The following EFNA5 variants were observed in gnomAD, a reference collection of about 807,000 sequenced individuals.
EFNA5 encodes ephrin A5, also known as ephrin-A5.
Under a neutral mutation model 22.9 loss-of-function variants are expected in EFNA5, and 5 were observed. The observed-to-expected ratio is 0.22, with a 90% CI of 0.11 to 0.46. The LOEUF is 0.46. Ranked by LOEUF, EFNA5 falls within the 20% of genes least tolerant of loss-of-function variation. The probability of loss-of-function intolerance (pLI) is 0.99; values close to 1 mark genes in which losing one functional copy is unlikely to be tolerated. For missense variants in EFNA5, 237 were observed against 293.3 expected (o/e 0.81, Z 1.40); for synonymous variants, 113 against 112.2 (o/e 1.01, Z -0.04).
intron 4 of EFNA5, among the ~76,000 whole-genome samples, chr5:107,384,798 A>T (rs1312213083): frequency 7.0e-6 from 1 of 143,640 alleles, no homozygotes; most frequent in African/African-American, 2.6e-5. Flanking sequence ...TTTTTTGGTA[A>T]AGACAAGGTT....
chr5:107,593,556 T>G (rs1749418626), intron 1 of EFNA5, among the ~76,000 whole-genome samples: 1 of 152,140 alleles, frequency 6.6e-6, no homozygotes, highest in Non-Finnish European at 1.5e-5. Flanking sequence ...CACATCAGAA[T>G]CACCTAGGGA....
chr5:107,569,837 A>G (rs1748757624), intron 1 of EFNA5, among the ~76,000 whole-genome samples: 2 of 93,062 alleles, frequency 2.1e-5, no homozygotes, highest in African/African-American at 1.0e-4. Context: ...GGGAGACCAA[A>G]AAAAAAAAAA....
intron 1 of EFNA5, among the ~76,000 whole-genome samples, chr5:107,571,833 A>G (rs1208263600): frequency 1.3e-5 from 2 of 152,150 alleles, no homozygotes; most frequent in Non-Finnish European, 1.5e-5. Flanking sequence ...GAGGTCATGT[A>G]AAACAGCAAA....
intron 1 of EFNA5, among the ~76,000 whole-genome samples, chr5:107,470,528 A>G (rs989177140): frequency 6.6e-6 from 1 of 152,212 alleles, no homozygotes; most frequent in Non-Finnish European, 1.5e-5. Flanking sequence ...TTGGAGGACT[A>G]AACAGAGAAG....
intron 1 of EFNA5, among the ~76,000 whole-genome samples, chr5:107,444,794 C>T (rs202000550): frequency 1.3e-5 from 2 of 152,064 alleles, no homozygotes; most frequent in East Asian, 1.9e-4. Flanking sequence ...GGACACAGCC[C>T]TAGGAGAATA....
chr5:107,624,641 A>T (rs1338819284), intron 1 of EFNA5, among the ~76,000 whole-genome samples: 5 of 152,142 alleles, frequency 3.3e-5, no homozygotes, highest in Non-Finnish European at 5.9e-5. Context: ...TGCAGCAGAA[A>T]TAGTCTTCCT....
intron 1 of EFNA5, 59 bp from the exon 2 acceptor site, chr5:107,427,568 A>G: frequency 6.8e-7 from 1 of 1,464,060 alleles, no homozygotes; most frequent in Non-Finnish European, 9.2e-7. Flanking sequence ...TCTGCTTGGA[A>G]TCAGTGGTTA....
intron 1 of EFNA5, among the ~76,000 whole-genome samples, chr5:107,573,366 T>TAG (rs1014211290): frequency 5.3e-5 from 8 of 152,182 alleles, no homozygotes; most frequent in African/African-American, 1.9e-4. Context: ...CAGTGGAATA[T>TAG]AGGCCCCAAG....
At chr5:107,411,926 T>C (rs1360961946) in intron 2 of EFNA5, among the ~76,000 whole-genome samples, 2 of 152,230 alleles carry the variant, frequency 1.3e-5, no homozygotes, top group Non-Finnish European at 2.9e-5. Flanking sequence ...ATGGAGAACC[T>C]TAATGAATAT....
At chr5:107,484,428 GAACT>G (rs1407422062) in intron 1 of EFNA5, among the ~76,000 whole-genome samples, 6 of 152,282 alleles carry the variant, frequency 3.9e-5, no homozygotes, top group Admixed American at 6.5e-5. Flanking sequence ...ATCTGATTCA[GAACT>G]AACATGGAAG....
chr5:107,532,488 C>A (rs1580515896), intron 1 of EFNA5, among the ~76,000 whole-genome samples: 1 of 152,318 alleles, frequency 6.6e-6, no homozygotes, highest in South Asian at 2.1e-4. Flanking sequence ...TAGGAATTAG[C>A]CGGGTTAAAT....
chr5:107,452,541 C>G (rs1158939194), intron 1 of EFNA5, among the ~76,000 whole-genome samples: 1 of 151,800 alleles, frequency 6.6e-6, no homozygotes, highest in African/African-American at 2.4e-5. Context: ...CTGAGCAATA[C>G]AGTGAAACCC....
chr5:107,449,459 A>G (rs1749491492), intron 1 of EFNA5, among the ~76,000 whole-genome samples: 1 of 152,078 alleles, frequency 6.6e-6, no homozygotes, highest in Non-Finnish European at 1.5e-5. Context: ...TAGAAATGTC[A>G]CCATCGATGA....
At position 107,408,076 on chromosome 5, in the gene EFNA5, C is replaced by G. The variant is rs10491397; in HGVS notation, c.418+19141G>C. Among the ~76,000 whole-genome samples, 831 of 152,174 alleles carry G rather than the reference C, an allele frequency of 5.5e-3. 5 individuals carry two copies. Among genetic ancestry groups the G allele is most frequent in the African/African-American group, 0.019 (798 of 41,504 alleles). ...AACTGTTATTTCTCCTAATGGCTAC[C>G]AGGCCCTATTCTCTGCACAGTGTAA... is the stretch of plus-strand genomic sequence containing the variant. On this transcript the variant is annotated intron_variant, in intron 2 of 4. Coordinates refer to ENST00000333274, the MANE Select transcript of EFNA5 (RefSeq NM_001962.3).
chr5:107,474,855 C>G (rs923548121), intron 1 of EFNA5, among the ~76,000 whole-genome samples: 4 of 152,162 alleles, frequency 2.6e-5, no homozygotes, highest in African/African-American at 4.8e-5. Context: ...AAGGGCCATT[C>G]TAAGGGAAAG....
chr5:107,453,057 T>C (rs1339106175), intron 1 of EFNA5, among the ~76,000 whole-genome samples: 2 of 152,294 alleles, frequency 1.3e-5, no homozygotes, highest in East Asian at 3.9e-4. Flanking sequence ...TATTTGATCT[T>C]CTGGCTTCTT....
At chr5:107,631,700 T>C (rs1298236614) in intron 1 of EFNA5, among the ~76,000 whole-genome samples, 2 of 152,168 alleles carry the variant, frequency 1.3e-5, no homozygotes, top group East Asian at 3.8e-4. Context: ...ATTCTGATCA[T>C]TTTCAATTTA....
intron 1 of EFNA5, among the ~76,000 whole-genome samples, chr5:107,616,872 G>C (rs112525818): frequency 1.3e-5 from 2 of 152,038 alleles, no homozygotes; most frequent in African/African-American, 4.8e-5. Flanking sequence ...ATGAGTTCAG[G>C]TCCTTTTGAT....
chr5:107,608,818 C>T (rs775376050), intron 1 of EFNA5, among the ~76,000 whole-genome samples: 4 of 152,318 alleles, frequency 2.6e-5, no homozygotes, highest in Non-Finnish European at 5.9e-5. Context: ...TCCCAACGCT[C>T]GGTTTATTCC....
Sources: gnomAD v4.1 joint callset for allele counts (sites outside exome capture counted in the v4.1 genomes callset) on GRCh38, gnomAD v4.1.1 for gene constraint, MANE v1.5 for transcripts, NCBI Gene and HGNC (gene_info 2026-07-23, HGNC 2026-07-21) for gene names.